Variants in GPC5 observed in about 807,000 individuals in gnomAD.
GPC5 encodes glypican-5.
Under a neutral mutation model 53.9 loss-of-function variants are expected in GPC5, and 47 were observed. The observed-to-expected ratio is 0.87, with a 90% CI of 0.69 to 1.11. The LOEUF is 1.11. Among genes scored for constraint, GPC5 ranks in the 50% most tolerant of loss-of-function variants. The pLI is 0.00. For synonymous variants in GPC5, 286 were observed against 263.3 expected, an observed-to-expected ratio of 1.09 and a Z score of -0.84; for missense variants, 748 against 713.1, an observed-to-expected ratio of 1.05 and a Z score of -0.56.
At chr13:92,234,358 G>T (rs1041443822) in intron 7 of GPC5, among the ~76,000 whole-genome samples, 2 of 152,252 alleles carry the variant, frequency 1.3e-5, no homozygotes, top group Non-Finnish European at 1.5e-5. Context: ...ATTCTAACTG[G>T]TGTGAGATGG....
At chr13:92,372,476 A>G (rs900450412) in intron 7 of GPC5, among the ~76,000 whole-genome samples, 5 of 152,166 alleles carry the variant, frequency 3.3e-5, no homozygotes, top group African/African-American at 1.2e-4. Flanking sequence ...GATATCAGTG[A>G]CACTCCCCTC....
chr13:91,843,637 G>C (rs370213512), intron 5 of GPC5, among the ~76,000 whole-genome samples: 1 of 152,152 alleles, frequency 6.6e-6, no homozygotes, highest in African/African-American at 2.4e-5. Flanking sequence ...TCTTAAATAG[G>C]GGGGTCATAG....
intron 7 of GPC5, among the ~76,000 whole-genome samples, chr13:92,209,523 G>T (rs1294515624): frequency 2.6e-5 from 4 of 152,102 alleles, no homozygotes. Context: ...AGCATATAAA[G>T]AATTGGAACT....
intron 7 of GPC5, among the ~76,000 whole-genome samples, chr13:92,673,961 T>TA (rs1460681447): frequency 6.6e-6 from 1 of 152,074 alleles, no homozygotes; most frequent in Non-Finnish European, 1.5e-5. Context: ...TAAAATAGAG[T>TA]AAAATAAACA....
chr13:91,513,666 C>T (rs186465671), intron 2 of GPC5, among the ~76,000 whole-genome samples: 7 of 152,012 alleles, frequency 4.6e-5, no homozygotes, highest in South Asian at 2.1e-4. Context: ...ACTTGAACCC[C>T]GGAGGTAGAG....
chr13:92,721,799 CAG>C (rs1888514836), intron 7 of GPC5, among the ~76,000 whole-genome samples: 2 of 151,920 alleles, frequency 1.3e-5, no homozygotes, highest in African/African-American at 4.8e-5. Flanking sequence ...TTGAAGATAA[CAG>C]AGGGGGGTTC....
intron 6 of GPC5, among the ~76,000 whole-genome samples, chr13:91,919,863 G>T (rs1452778032): frequency 6.6e-6 from 1 of 152,108 alleles, no homozygotes; most frequent in Non-Finnish European, 1.5e-5. Flanking sequence ...TCGGAATGCT[G>T]GCATGCCAGT....
intron 6 of GPC5, among the ~76,000 whole-genome samples, chr13:92,084,788 G>A (rs1030551996): frequency 2.0e-5 from 3 of 152,166 alleles, no homozygotes; most frequent in East Asian, 1.9e-4. Context: ...TACAAAACAT[G>A]AGTGTTTTCC....
intron 1 of GPC5, among the ~76,000 whole-genome samples, chr13:91,406,516 A>G (rs1439755314): frequency 6.6e-6 from 1 of 152,184 alleles, no homozygotes; most frequent in Non-Finnish European, 1.5e-5. Flanking sequence ...ATTTTTAGCC[A>G]TTTAAAGCCT....
At chr13:91,675,919 G>T (rs2035371032) in intron 2 of GPC5, among the ~76,000 whole-genome samples, 4 of 152,238 alleles carry the variant, frequency 2.6e-5, no homozygotes, top group East Asian at 3.9e-4. Flanking sequence ...ACTCCAGGGT[G>T]GTTCGACTTT....
At chr13:91,491,080 C>T (rs1010233902) in intron 2 of GPC5, among the ~76,000 whole-genome samples, 9 of 152,148 alleles carry the variant, frequency 5.9e-5, no homozygotes, top group Admixed American at 5.2e-4. Flanking sequence ...TCTGCTTCTC[C>T]TCTGAGAGCC....
chr13:91,966,963 A>G (rs1046882990), intron 6 of GPC5, among the ~76,000 whole-genome samples: 9 of 152,240 alleles, frequency 5.9e-5, no homozygotes, highest in African/African-American at 1.9e-4. Flanking sequence ...TATATGTTAA[A>G]GTAACACTTA....
At chr13:92,508,267 A>G (rs1193745325) in intron 7 of GPC5, among the ~76,000 whole-genome samples, 1 of 152,174 alleles carries the variant, frequency 6.6e-6, no homozygotes, top group Admixed American at 6.5e-5. Context: ...TGGCCTACTT[A>G]TAAGAGTTAA....
chr13:92,009,336 T>G (rs900644944), intron 6 of GPC5, among the ~76,000 whole-genome samples: 5 of 151,146 alleles, frequency 3.3e-5, no homozygotes, highest in Admixed American at 6.6e-5. Flanking sequence ...TACTGGGAGA[T>G]CAGCTTGATT....
rs141259596 is a variant in GPC5 at position 91,784,511 on chromosome 13, G to T, written c.1280+28091G>T. Among the ~76,000 whole-genome samples the T allele has an allele frequency of 5.4e-3, 821 of 152,192 alleles. 7 individuals carry two copies. Among genetic ancestry groups the T allele is most frequent in the African/African-American group, 0.018 (756 of 41,504 alleles). On this transcript the variant is annotated intron_variant, in intron 5 of 7. Coordinates refer to ENST00000377067, the MANE Select transcript of GPC5 (RefSeq NM_004466.6). ...AGGCCAAGGTGGGCAGATCACCTGA[G>T]GTCGGAAGTTGGAGACCAGCCTGAC...
At chr13:91,618,604 G>A (rs2033764465) in intron 2 of GPC5, among the ~76,000 whole-genome samples, 1 of 151,924 alleles carries the variant, frequency 6.6e-6, no homozygotes, top group South Asian at 2.1e-4. Context: ...GTAAGCTATT[G>A]GGCCTTTAGA....
At chr13:92,001,033 T>G (rs2040549345) in intron 6 of GPC5, among the ~76,000 whole-genome samples, 2 of 152,178 alleles carry the variant, frequency 1.3e-5, no homozygotes, top group South Asian at 4.1e-4. Context: ...TGCCACAAAC[T>G]GTACTTTAAG....
intron 6 of GPC5, among the ~76,000 whole-genome samples, chr13:92,019,578 G>C (rs1257277290): frequency 6.6e-6 from 1 of 152,082 alleles, no homozygotes; most frequent in Non-Finnish European, 1.5e-5. Context: ...TGATTCAGCT[G>C]TGAACAGGCT....
At chr13:92,752,912 G>C (rs921951477) in intron 7 of GPC5, among the ~76,000 whole-genome samples, 2 of 152,202 alleles carry the variant, frequency 1.3e-5, no homozygotes, top group Non-Finnish European at 2.9e-5. Context: ...GAGGCTGGGG[G>C]AGGGGCGCAT....
Sources: gnomAD v4.1 joint callset for allele counts (sites outside exome capture counted in the v4.1 genomes callset) on GRCh38, gnomAD v4.1.1 for gene constraint, MANE v1.5 for transcripts, NCBI Gene and HGNC (gene_info 2026-07-23, HGNC 2026-07-21) for gene names.